Variants in COL4A4 observed in about 807,000 individuals in gnomAD.
COL4A4 encodes collagen alpha-4(IV) chain.
In COL4A4, 105 loss-of-function variants were observed where a neutral mutation model predicts 192.9. The observed-to-expected ratio is 0.54, with a 90% CI of 0.46 to 0.64. The LOEUF (loss-of-function observed/expected upper bound fraction) is 0.64, where lower values mean the gene tolerates loss of function less well. Ranked by LOEUF, COL4A4 falls within the 30% of genes least tolerant of loss-of-function variation. The pLI, the probability that COL4A4 is intolerant of heterozygous loss-of-function variation, is 0.00. For missense variants in COL4A4, 1,967 were observed against 2,169.3 expected, an observed-to-expected ratio of 0.91 and a Z score of 1.85; for synonymous variants, 762 against 769.9, an observed-to-expected ratio of 0.99 and a Z score of 0.17.
chr2:227,109,180 G>T, intron 10 of COL4A4, 44 bp downstream of exon 10: 1 of 1,560,978 alleles, frequency 6.4e-7, no homozygotes, highest in Non-Finnish European at 8.8e-7. Context: ...TTTTCATGTA[G>T]AATCTGGTTT....
chr2:226,979,314 A>T, the COL4A4 span, among the ~76,000 whole-genome samples: 1 of 152,182 alleles, frequency 6.6e-6, no homozygotes, highest in Non-Finnish European at 1.5e-5. Context: ...GGACACATAG[A>T]AGGGTGAGAA....
Position 227,041,832 on chromosome 2 carries a change from G to GA in COL4A4, c.3505+315dup, listed in dbSNP as rs754288940. Among the ~76,000 whole-genome samples, 9 of 47,398 alleles carry GA rather than the reference G, an allele frequency of 1.9e-4. 1 individual carries two copies. The East Asian group carries it at 3.8e-3, about 20-fold the overall frequency. The allele number at this position is 47,398 out of a possible 152,430, so 31.1% of individuals were successfully genotyped here. ...AGAAAGAAAGAAAGAAAGAAAGAAA[G>GA]AAAGAAAGAAAGAAAGAGAAAGAAA... On this transcript the variant is annotated intron_variant, in intron 37 of 47. Transcript: ENST00000396625.
intron 4 of COL4A4, among the ~76,000 whole-genome samples, chr2:227,132,851 T>A (rs186593166): frequency 6.6e-6 from 1 of 152,316 alleles, no homozygotes; most frequent in Non-Finnish European, 1.5e-5. Flanking sequence ...TGTGGATTTC[T>A]TGGCAAATTA....
At chr2:226,991,025 G>A in the COL4A4 span, among the ~76,000 whole-genome samples, 2,298 of 152,286 alleles carry the variant, frequency 0.015, 47 homozygotes, top group African/African-American at 0.053. Context: ...TGACAAAAGC[G>A]TGCTGCTTAA....
rs1348186956 is a variant in COL4A4 at position 227,008,363 on chromosome 2, CCCTT to C, written c.4523-63_4523-60del. On this transcript the variant is annotated intron_variant, in intron 46 of 47. Coordinates refer to ENST00000396625, the MANE Select transcript of COL4A4 (RefSeq NM_000092.5). ...AGCACCCCATGTAGGTGTTCCCAGACCCTTCCTTCCTCCATCTGGCCTTTGCAGA... is the reference window on the plus strand; with the variant it reads ...AGCACCCCATGTAGGTGTTCCCAGACCCTTCCTCCATCTGGCCTTTGCAGA... The C allele has an allele frequency of 3.2e-6, 5 of 1,568,942 alleles. No homozygotes were observed. In the East Asian group the frequency reaches 6.7e-5, roughly 21 times the overall value.
At chr2:227,055,888 G>T in intron 30 of COL4A4, 57 bp downstream of exon 30, 1 of 1,487,188 alleles carries the variant, frequency 6.7e-7, no homozygotes, top group Non-Finnish European at 9.3e-7. Flanking sequence ...GTCTTCACTT[G>T]GCAGTGGATT....
chr2:227,033,854 G>A (rs1202630371), intron 37 of COL4A4, among the ~76,000 whole-genome samples: 3 of 151,922 alleles, frequency 2.0e-5, no homozygotes, highest in Non-Finnish European at 4.4e-5. Context: ...GCAAATCCAG[G>A]CCTCACACCT....
At chr2:227,162,733 G>T (rs866801361) in intron 1 of COL4A4, among the ~76,000 whole-genome samples, 22 of 152,160 alleles carry the variant, frequency 1.4e-4, no homozygotes, top group African/African-American at 4.8e-4. Context: ...ATTGTGCATG[G>T]GAATGTACAG....
intron 4 of COL4A4, among the ~76,000 whole-genome samples, chr2:227,121,561 C>CAAAAAAAAAAAAAAAAAAAAAAAAAAAA (rs766680844): frequency 1.7e-5 from 1 of 59,012 alleles, no homozygotes; most frequent in African/African-American, 5.4e-5. Flanking sequence ...GACCCTATCT[C>CAAAAAAAAAAAAAAAAAAAAAAAAAAAA]AAAAAAAAAA....
At chr2:227,145,937 C>T (rs182800082) in intron 2 of COL4A4, among the ~76,000 whole-genome samples, 106 of 152,254 alleles carry the variant, frequency 7.0e-4, no homozygotes, top group Admixed American at 1.5e-3. Context: ...TGTTAAACAC[C>T]GGGAATCAAC....
the COL4A4 span, among the ~76,000 whole-genome samples, chr2:226,980,232 A>G: frequency 3.3e-5 from 5 of 152,166 alleles, no homozygotes; most frequent in Non-Finnish European, 7.3e-5. Context: ...AAAGTAGCTT[A>G]TCCTAGGACA....
At chr2:227,010,081 AATAT>A (rs1963291120) in intron 46 of COL4A4, among the ~76,000 whole-genome samples, 1 of 152,216 alleles carries the variant, frequency 6.6e-6, no homozygotes, top group African/African-American at 2.4e-5. Flanking sequence ...AGATAATAAT[AATAT>A]ACTTATTATA....
At chr2:227,134,314 A>T (rs1195315545) in intron 4 of COL4A4, among the ~76,000 whole-genome samples, 1 of 152,206 alleles carries the variant, frequency 6.6e-6, no homozygotes, top group African/African-American at 2.4e-5. Flanking sequence ...AGTAGTAACA[A>T]AATGAGCCAG....
upstream of COL4A4, chr2:227,164,487 T>G: frequency 5.2e-6 from 3 of 576,506 alleles, no homozygotes; most frequent in South Asian, 2.0e-5. This position sits in a 1 kb window ranked among gnomAD's most constrained non-coding sequence, Gnocchi z 4.8. Context: ...GCCTGGTAAG[T>G]TGGGAGGGAG....
rs768448299 is a variant in COL4A4 at position 227,054,664 on chromosome 2, G to A, written c.2790C>T (p.Gly930=). ...CCTTCTCTCCAGGTTCTCCCTTTGC[G>A]CCAGGACATCCCTCTGCACCAGGCT... ...RGKPGAEGCP[G]AKGEPGEKGM... is the part of the protein sequence containing the mutation. The change falls in exon 31 of 48, where the codon GGC becomes GGT. Residue 930 remains glycine, a synonymous_variant. Coordinates refer to ENST00000396625, the MANE Select transcript of COL4A4 (RefSeq NM_000092.5). 1.9e-5 allele frequency: 31 copies of A among 1,614,058 alleles called. No individual in the cohort carries two copies. The highest frequency in any genetic ancestry group is 6.7e-5 in the East Asian group (3 of 44,892).
At chr2:227,074,833 C>T (rs757861335) in intron 25 of COL4A4, among the ~76,000 whole-genome samples, 8 of 151,978 alleles carry the variant, frequency 5.3e-5, no homozygotes, top group Non-Finnish European at 7.4e-5. Flanking sequence ...TTCTCACTTA[C>T]GAGTGGGAGG....
rs151266580 is a variant in COL4A4, at chr2:227,143,412, C to T, written c.114+1104G>A. Among the ~76,000 whole-genome samples, 464 of 152,246 alleles carry T rather than the reference C, an allele frequency of 3.0e-3. 1 individual carries two copies. Among genetic ancestry groups the T allele is most frequent in the African/African-American group, 0.011 (443 of 41,552 alleles). ...AAAATCCGGATGGGTAATACCAAAT[C>T]GCTTCCCACAGACATCGCATCGATT... On this transcript the variant is annotated intron_variant, in intron 3 of 47. Coordinates refer to ENST00000396625, the MANE Select transcript of COL4A4 (RefSeq NM_000092.5).
intron 8 of COL4A4, among the ~76,000 whole-genome samples, chr2:227,112,378 C>G (rs1213989003): frequency 6.6e-6 from 1 of 151,972 alleles, no homozygotes; most frequent in Non-Finnish European, 1.5e-5. Context: ...AAGCAATTCT[C>G]CTGCCTCAGC....
chr2:227,074,787 G>A (rs2058927170), intron 25 of COL4A4, among the ~76,000 whole-genome samples: 1 of 152,138 alleles, frequency 6.6e-6, no homozygotes, highest in Non-Finnish European at 1.5e-5. Context: ...AATTATAAAT[G>A]AAGTAACACA....
Sources: allele counts gnomAD v4.1 joint callset (sites outside exome capture counted in the v4.1 genomes callset), GRCh38; gene constraint gnomAD v4.1.1; non-coding constraint Gnocchi (gnomAD v3.1); transcripts MANE v1.5; gene names NCBI Gene and HGNC (gene_info 2026-07-23, HGNC 2026-07-21).